Variants in FAM227A observed in about 807,000 individuals in gnomAD.
FAM227A encodes the protein family with sequence similarity 227 member A, also known as protein FAM227A.
Under a neutral mutation model 74.7 loss-of-function variants are expected in FAM227A, and 80 were observed. The observed-to-expected ratio is 1.07, with a 90% CI of 0.89 to 1.29. The LOEUF (loss-of-function observed/expected upper bound fraction) is 1.29, where lower values mean the gene tolerates loss of function less well. FAM227A is among the 50% of genes most tolerant of loss of function. FAM227A has a pLI of 0.00. For missense variants in FAM227A, 654 were observed against 683.4 expected, an observed-to-expected ratio of 0.96 and a Z score of 0.48; for synonymous variants, 237 against 241.8, an observed-to-expected ratio of 0.98 and a Z score of 0.19.
chr22:38,629,684 G>A (rs924783507), intron 6 of FAM227A, among the ~76,000 whole-genome samples: 10 of 149,014 alleles, frequency 6.7e-5, no homozygotes, highest in African/African-American at 2.4e-4. Context: ...ATCAGGAAGC[G>A]TGCCTCTTCT....
At chr22:38,641,995 GTGTT>G (rs2092128454) in intron 3 of FAM227A, among the ~76,000 whole-genome samples, 1 of 151,938 alleles carries the variant, frequency 6.6e-6, no homozygotes, top group Admixed American at 6.6e-5. Flanking sequence ...GTGTGCGCGT[GTGTT>G]TGAGAATTAT....
At chr22:38,615,884 G>T (rs1352650182) in intron 11 of FAM227A, among the ~76,000 whole-genome samples, 1 of 152,178 alleles carries the variant, frequency 6.6e-6, no homozygotes, top group Non-Finnish European at 1.5e-5. Flanking sequence ...GGACACTGAG[G>T]GTTAGGAGTC....
intron 6 of FAM227A, among the ~76,000 whole-genome samples, chr22:38,632,257 C>G (rs1464202019): frequency 1.3e-5 from 2 of 152,116 alleles, no homozygotes; most frequent in Non-Finnish European, 2.9e-5. Flanking sequence ...TTGCTATGGT[C>G]TGAATGTGTT....
At chr22:38,638,884 T>A in intron 4 of FAM227A, 62 bp from the exon 5 acceptor site, 4 of 1,053,600 alleles carry the variant, frequency 3.8e-6, no homozygotes, top group Non-Finnish European at 5.4e-6. Context: ...AGCTGTGCGG[T>A]GCTTACAACT....
chr22:38,616,267 G>A (rs901383571), intron 11 of FAM227A, among the ~76,000 whole-genome samples: 1 of 152,242 alleles, frequency 6.6e-6, no homozygotes, highest in African/African-American at 2.4e-5. Flanking sequence ...CTCAGTCCAA[G>A]CCAGTGGGGT....
chr22:38,655,039 C>T (rs1309500504), intron 1 of FAM227A, among the ~76,000 whole-genome samples: 6 of 148,664 alleles, frequency 4.0e-5, no homozygotes, highest in South Asian at 2.1e-4. Context: ...ACTTGGGAGG[C>T]GGAGGCAGGA....
chr22:38,624,202 C>T (rs776322754), intron 9 of FAM227A, among the ~76,000 whole-genome samples: 2 of 151,894 alleles, frequency 1.3e-5, no homozygotes, highest in East Asian at 1.9e-4. Flanking sequence ...GTCAGGAGTT[C>T]GAGACCAGCC....
intron 3 of FAM227A, among the ~76,000 whole-genome samples, chr22:38,640,900 G>T (rs983459319): frequency 2.0e-5 from 3 of 152,074 alleles, no homozygotes; most frequent in Non-Finnish European, 4.4e-5. Flanking sequence ...GTGTGCAGGG[G>T]TGTGTGTATG....
intron 11 of FAM227A, among the ~76,000 whole-genome samples, chr22:38,616,847 G>A (rs917800272): frequency 1.3e-5 from 2 of 151,968 alleles, no homozygotes; most frequent in African/African-American, 2.4e-5. Flanking sequence ...GAAGCTGAGG[G>A]CCAAGGTTCA....
chr22:38,626,891 A>AAATAT (rs1555966996), intron 8 of FAM227A, among the ~76,000 whole-genome samples: 20 of 57,686 alleles, frequency 3.5e-4, no homozygotes, highest in African/African-American at 1.6e-3. Flanking sequence ...AAAAAAAAAA[A>AAATAT]ATATATATAT....
At chr22:38,606,732 T>C (rs540438365) in intron 12 of FAM227A, among the ~76,000 whole-genome samples, 1 of 152,292 alleles carries the variant, frequency 6.6e-6, no homozygotes, top group Non-Finnish European at 1.5e-5. Flanking sequence ...AAGACCTGGG[T>C]GCAAATTAGT....
chr22:38,622,761 A>C (rs1258303093), intron 10 of FAM227A, among the ~76,000 whole-genome samples: 1 of 151,256 alleles, frequency 6.6e-6, no homozygotes, highest in Non-Finnish European at 1.5e-5. Context: ...CTGGGATCCC[A>C]GCTACTTGGG....
chr22:38,581,443 T>C lies in FAM227A; in HGVS notation c.*4682A>G, dbSNP rs2146081079. On this transcript the variant is annotated 3_prime_UTR_variant, in exon 17 of 17. Transcript: ENST00000535113. ...TCAGTGGACAGAGTTTTAGGAAATA[T>C]ATACACATATTTTTGAGACAGAGTC... 6.6e-6 allele frequency: 1 copy of C among 152,318 alleles called. No individual in the cohort carries two copies. The allele number at this position is 152,318 out of a possible 1,614,324, so 9.4% of individuals were successfully genotyped here.
intron 2 of FAM227A, 133 bp downstream of exon 2, chr22:38,649,890 AAAAG>A: frequency 3.7e-6 from 3 of 804,284 alleles, no homozygotes. Context: ...GAAAGAAAAG[AAAAG>A]AAAAAATGAA....
chr22:38,622,005 G>A (rs2091700994), intron 10 of FAM227A, among the ~76,000 whole-genome samples: 1 of 152,106 alleles, frequency 6.6e-6, no homozygotes, highest in African/African-American at 2.4e-5. Context: ...GGTTGGAGGT[G>A]GAACTCTACT....
rs369782928 is a variant in FAM227A at position 38,617,332 on chromosome 22, G to A, written c.1038+2880C>T. Among the ~76,000 whole-genome samples the A allele has an allele frequency of 4.4e-5, 6 of 135,376 alleles. No individual in the cohort carries two copies. The East Asian group carries it at 6.4e-4, about 14-fold the overall frequency. 88.8% of individuals were successfully genotyped at this position (135,376 alleles called of 152,430 possible). ...TTTTTTTGAGACAGAGTCTTGCTCCGTCACCAAGGCTGGAGTGCAGCGGCA... is the reference window on the plus strand; with the variant it reads ...TTTTTTTGAGACAGAGTCTTGCTCCATCACCAAGGCTGGAGTGCAGCGGCA... On this transcript the variant is annotated intron_variant, in intron 11 of 16. Transcript: ENST00000535113.
intron 8 of FAM227A, among the ~76,000 whole-genome samples, chr22:38,627,697 CGGGT>C (rs1193779749): frequency 6.6e-6 from 1 of 152,172 alleles, no homozygotes; most frequent in African/African-American, 2.4e-5. Context: ...CTCCGCCTCC[CGGGT>C]TCATGTGAAC....
intron 12 of FAM227A, among the ~76,000 whole-genome samples, chr22:38,606,484 C>G (rs1019147284): frequency 2.6e-5 from 4 of 152,146 alleles, no homozygotes; most frequent in Admixed American, 6.5e-5. Flanking sequence ...GGTTACCATG[C>G]CTTGCTTTGT....
At chr22:38,649,074 T>C (rs1603085230) in intron 2 of FAM227A, among the ~76,000 whole-genome samples, 2 of 152,168 alleles carry the variant, frequency 1.3e-5, no homozygotes, top group South Asian at 4.1e-4. Context: ...TATAATTCTT[T>C]GGGAGATAGA....
Sources: allele counts gnomAD v4.1 joint callset (sites outside exome capture counted in the v4.1 genomes callset), GRCh38; gene constraint gnomAD v4.1.1; transcripts MANE v1.5; gene names NCBI Gene and HGNC (gene_info 2026-07-23, HGNC 2026-07-21).